CCDC148: variants seen among roughly 807,000 people sequenced by gnomAD.
CCDC148 encodes the protein coiled-coil domain-containing protein 148.
In CCDC148, 89 loss-of-function variants were observed where a neutral mutation model predicts 85.7. That is an observed-to-expected ratio of 1.04 (90% CI 0.87 to 1.24). The LOEUF (loss-of-function observed/expected upper bound fraction) is 1.24, where lower values mean the gene tolerates loss of function less well. Ranked by LOEUF, CCDC148 falls within the 50% of genes most tolerant of loss-of-function variation. The pLI is 0.00. For synonymous variants in CCDC148, 230 were observed against 213.9 expected (o/e 1.08, Z -0.66); for missense variants, 692 against 671.7 (o/e 1.03, Z -0.33).
At chr2:158,330,589 G>A (rs28881592) in intron 7 of CCDC148, among the ~76,000 whole-genome samples, 1 of 152,164 alleles carries the variant, frequency 6.6e-6, no homozygotes, top group Non-Finnish European at 1.5e-5. Context: ...AATGGTACCA[G>A]CTCCTCCTTA....
At chr2:158,238,242 A>G (rs2105318796) in intron 10 of CCDC148, among the ~76,000 whole-genome samples, 1 of 152,126 alleles carries the variant, frequency 6.6e-6, no homozygotes, top group Non-Finnish European at 1.5e-5. Flanking sequence ...TGGGAGAGAA[A>G]TTGGGATAAA....
chr2:158,439,847 G>A (rs774734363), intron 1 of CCDC148, among the ~76,000 whole-genome samples: 21 of 151,960 alleles, frequency 1.4e-4, no homozygotes, highest in East Asian at 5.8e-4. Context: ...ACATTACAGC[G>A]GATAACATTT....
intron 7 of CCDC148, among the ~76,000 whole-genome samples, chr2:158,323,794 T>C (rs10194085): frequency 1 from 152,255 of 152,262 alleles, 76,124 homozygotes; most frequent in Non-Finnish European, 1. Flanking sequence ...AATAGGTACT[T>C]ATTAAATATC....
At chr2:158,275,123 T>G (rs977101431) in intron 9 of CCDC148, among the ~76,000 whole-genome samples, 1 of 152,192 alleles carries the variant, frequency 6.6e-6, no homozygotes, top group Non-Finnish European at 1.5e-5. Context: ...CTCCCCTTCA[T>G]CCCTACTTCC....
chr2:158,246,870 G>C (rs1477079076), intron 10 of CCDC148, among the ~76,000 whole-genome samples: 3 of 152,166 alleles, frequency 2.0e-5, no homozygotes, highest in African/African-American at 7.2e-5. Flanking sequence ...TCTAGAAACT[G>C]ATAGGAAAAT....
intron 1 of CCDC148, among the ~76,000 whole-genome samples, chr2:158,397,708 G>A (rs1374629770): frequency 6.6e-6 from 1 of 152,122 alleles, no homozygotes; most frequent in Non-Finnish European, 1.5e-5. Context: ...ACACTATGAA[G>A]AAACTGCATC....
intron 1 of CCDC148, among the ~76,000 whole-genome samples, chr2:158,433,337 T>C (rs989866241): frequency 5.3e-5 from 8 of 149,936 alleles, no homozygotes; most frequent in African/African-American, 2.0e-4. Flanking sequence ...ATTAAAACTT[T>C]TGTCATAAAG....
At chr2:158,328,405 G>C (rs1038992227) in intron 7 of CCDC148, among the ~76,000 whole-genome samples, 1 of 152,078 alleles carries the variant, frequency 6.6e-6, no homozygotes, top group Non-Finnish European at 1.5e-5. Context: ...TCTTAATCCA[G>C]TCTATCATTG....
At chr2:158,260,184 T>C (rs1689160438) in intron 9 of CCDC148, among the ~76,000 whole-genome samples, 1 of 151,950 alleles carries the variant, frequency 6.6e-6, no homozygotes, top group Admixed American at 6.6e-5. Context: ...CCAAAGCAGA[T>C]ACTCAATGAA....
chr2:158,220,572 C>A, intron 11 of CCDC148, 23 bp downstream of exon 11: 1 of 1,549,362 alleles, frequency 6.5e-7, no homozygotes, highest in Non-Finnish European at 8.8e-7. Context: ...TCCATTACCA[C>A]ACAATTTTAA....
intron 9 of CCDC148, among the ~76,000 whole-genome samples, chr2:158,270,892 C>T (rs992731842): frequency 6.6e-6 from 1 of 151,982 alleles, no homozygotes; most frequent in Admixed American, 6.6e-5. Flanking sequence ...ATATGTGCAC[C>T]CTATCAGAGG....
intron 1 of CCDC148, among the ~76,000 whole-genome samples, chr2:158,407,957 C>G (rs1312525799): frequency 6.6e-6 from 1 of 152,122 alleles, no homozygotes; most frequent in Non-Finnish European, 1.5e-5. Flanking sequence ...ATTTTAAGTA[C>G]AAATTCTAAA....
At position 158,352,739 on chromosome 2, in the gene CCDC148, T is replaced by C. The variant is rs543746067; in HGVS notation, c.147+5710A>G. Among the ~76,000 whole-genome samples, 291 of 151,346 alleles carry C rather than the reference T, an allele frequency of 1.9e-3. 4 individuals are homozygous for C. The highest frequency in any genetic ancestry group is 0.017 in the Admixed American group (255 of 15,132). On this transcript the variant is annotated intron_variant, in intron 2 of 13. Coordinates refer to ENST00000283233, the MANE Select transcript of CCDC148 (RefSeq NM_138803.4). The stretch of plus-strand genomic sequence containing the variant: ...AAATACAGAGAACGCCACAAAGATA[T>C]TCCTCGAGAAGAGCAACTCCAAGAC...
intron 2 of CCDC148, among the ~76,000 whole-genome samples, chr2:158,352,853 G>A (rs1430359570): frequency 6.6e-6 from 1 of 152,120 alleles, no homozygotes; most frequent in Non-Finnish European, 1.5e-5. Flanking sequence ...TCAAAGGGAA[G>A]CCCATCAGAC....
At chr2:158,173,960 A>G (rs1438966564) in intron 13 of CCDC148, among the ~76,000 whole-genome samples, 3 of 151,954 alleles carry the variant, frequency 2.0e-5, no homozygotes, top group Admixed American at 1.3e-4. Context: ...CATCTTCCCA[A>G]TTCCCTTCCC....
intron 1 of CCDC148, among the ~76,000 whole-genome samples, chr2:158,385,090 C>T (rs551142742): frequency 6.6e-5 from 10 of 152,252 alleles, no homozygotes; most frequent in African/African-American, 1.9e-4. Context: ...TCATGTGGCC[C>T]TCTCTATCTT....
At chr2:158,244,170 T>C (rs1409011592) in intron 10 of CCDC148, among the ~76,000 whole-genome samples, 1 of 152,178 alleles carries the variant, frequency 6.6e-6, no homozygotes, top group African/African-American at 2.4e-5. Context: ...TCTTCCAGCC[T>C]CTTCCCACTT....
At chr2:158,421,987 A>G (rs1686816395) in intron 1 of CCDC148, among the ~76,000 whole-genome samples, 1 of 152,220 alleles carries the variant, frequency 6.6e-6, no homozygotes, top group Non-Finnish European at 1.5e-5. Flanking sequence ...TAGAAAATCT[A>G]GAAGAAATGG....
intron 1 of CCDC148, among the ~76,000 whole-genome samples, chr2:158,391,723 G>A (rs1172666358): frequency 1.3e-5 from 2 of 152,130 alleles, no homozygotes; most frequent in Non-Finnish European, 2.9e-5. Flanking sequence ...CACTTATACT[G>A]AAGGATGAGG....
Sources: gnomAD v4.1 joint callset for allele counts (sites outside exome capture counted in the v4.1 genomes callset) on GRCh38, gnomAD v4.1.1 for gene constraint, MANE v1.5 for transcripts, NCBI Gene and HGNC (gene_info 2026-07-23, HGNC 2026-07-21) for gene names.